The following SLC15A2 variants were observed in gnomAD, a reference collection of about 807,000 sequenced individuals.
SLC15A2 encodes the protein solute carrier family 15 member 2.
In SLC15A2, 77 loss-of-function variants were observed where a neutral mutation model predicts 95.5. The ratio of observed to expected loss-of-function variants is 0.81; its 90% CI spans 0.67 to 0.97. The LOEUF is 0.97. Ranked by LOEUF, SLC15A2 falls within the 50% of genes least tolerant of loss-of-function variation. The pLI is 0.00. For synonymous variants in SLC15A2, 306 were observed against 306.9 expected, an observed-to-expected ratio of 1.00 and a Z score of 0.03; for missense variants, 893 against 874.4, an observed-to-expected ratio of 1.02 and a Z score of -0.27.
chr3:121,905,096 A>G (rs6794360), intron 3 of SLC15A2, among the ~76,000 whole-genome samples: 68,011 of 151,880 alleles, frequency 0.45, 15,742 homozygotes, highest in East Asian at 0.69. Flanking sequence ...ATGTGTCCAG[A>G]AATTTATCCA....
intron 7 of SLC15A2, among the ~76,000 whole-genome samples, chr3:121,921,647 C>T (rs933386477): frequency 6.6e-6 from 1 of 151,740 alleles, no homozygotes; most frequent in African/African-American, 2.4e-5. Flanking sequence ...GAGTTTGGGT[C>T]AGGTAAGTAT....
chr3:121,911,269 G>A (rs891392478), intron 3 of SLC15A2, among the ~76,000 whole-genome samples: 1 of 152,210 alleles, frequency 6.6e-6, no homozygotes, highest in Non-Finnish European at 1.5e-5. Flanking sequence ...ACAAAGTAGG[G>A]TTTCTCTGTG....
At position 121,940,368 on chromosome 3, in the gene SLC15A2, C is replaced by T; in HGVS notation, c.1909-16C>T. The T allele has an allele frequency of 6.2e-7, 1 of 1,608,242 alleles. No individual in the cohort carries two copies. Among genetic ancestry groups the T allele is most frequent in the South Asian group, 1.1e-5 (1 of 90,952 alleles). ...TGAAGGGGGTTTGTTTACTTTCAAA[C>T]TTGTGTCATCCCCAGGCTCCCTCTA... is the stretch of plus-strand genomic sequence containing the variant. On this transcript the variant is annotated splice_polypyrimidine_tract_variant and intron_variant, in intron 20 of 21. Coordinates refer to ENST00000489711, the MANE Select transcript of SLC15A2 (RefSeq NM_021082.4).
intron 19 of SLC15A2, among the ~76,000 whole-genome samples, chr3:121,932,121 C>A (rs1169447937): frequency 1.3e-5 from 2 of 152,194 alleles, no homozygotes; most frequent in African/African-American, 2.4e-5. Flanking sequence ...CCAGGCTGGT[C>A]TCAAACTCCT....
At chr3:121,922,063 C>T (rs1380107357) in intron 7 of SLC15A2, among the ~76,000 whole-genome samples, 157 bp from the exon 8 acceptor site, 2 of 152,208 alleles carry the variant, frequency 1.3e-5, no homozygotes, top group Non-Finnish European at 2.9e-5. Flanking sequence ...CACAGTTCAG[C>T]ATTCTGTCCT....
intron 7 of SLC15A2, 41 bp downstream of exon 7, chr3:121,915,734 C>T: frequency 1.4e-6 from 2 of 1,395,438 alleles, no homozygotes; most frequent in Non-Finnish European, 2.0e-6. Context: ...ATCATTGATA[C>T]CTGACACATG....
chr3:121,938,051 G>A (rs879551646), intron 19 of SLC15A2, among the ~76,000 whole-genome samples: 1 of 147,708 alleles, frequency 6.8e-6, no homozygotes, highest in Non-Finnish European at 1.5e-5. Flanking sequence ...GCCCCTGCTG[G>A]GGGGTGCCTC....
At chr3:121,928,366 A>G in intron 14 of SLC15A2, 55 bp from the exon 15 acceptor site, 1 of 1,589,336 alleles carries the variant, frequency 6.3e-7, no homozygotes, top group Non-Finnish European at 8.6e-7. Context: ...ATGTGTTGCC[A>G]TTGTATCTGA....
chr3:121,934,078 T>C (rs1462115514), intron 19 of SLC15A2, among the ~76,000 whole-genome samples: 8 of 151,944 alleles, frequency 5.3e-5, no homozygotes, highest in Non-Finnish European at 1.0e-4. Context: ...GTTGTAGATA[T>C]GTGGCATTAT....
chr3:121,905,876 G>A (rs1709628240), intron 3 of SLC15A2, among the ~76,000 whole-genome samples: 1 of 152,184 alleles, frequency 6.6e-6, no homozygotes, highest in Non-Finnish European at 1.5e-5. Context: ...ACTTGGTGCA[G>A]AGCTGAGTTC....
At chr3:121,932,024 C>A (rs1710243626) in intron 19 of SLC15A2, among the ~76,000 whole-genome samples, 1 of 152,134 alleles carries the variant, frequency 6.6e-6, no homozygotes, top group South Asian at 2.1e-4. Flanking sequence ...CTCAACCTCC[C>A]CGAGTATCTG....
chr3:121,927,955 G>T, intron 14 of SLC15A2, 116 bp downstream of exon 14: 2 of 729,070 alleles, frequency 2.7e-6, no homozygotes, highest in South Asian at 1.8e-5. Context: ...TTTTATAAGA[G>T]GTGCATCATA....
At chr3:121,907,452 A>G (rs1371756722) in intron 3 of SLC15A2, among the ~76,000 whole-genome samples, 1 of 152,136 alleles carries the variant, frequency 6.6e-6, no homozygotes, top group Non-Finnish European at 1.5e-5. Context: ...TAGAATTTTG[A>G]GCTTTTCTGC....
chr3:121,909,316 GC>G (rs941679522), intron 3 of SLC15A2, among the ~76,000 whole-genome samples: 2 of 152,148 alleles, frequency 1.3e-5, no homozygotes, highest in Admixed American at 1.3e-4. Flanking sequence ...GTCCACCTCA[GC>G]TTCCTGAAGT....
In SLC15A2 at chr3:121,941,119, C is replaced by A; in HGVS notation, c.*112C>A. 1 of 921,642 alleles carries A rather than the reference C, an allele frequency of 1.1e-6. No individual in the cohort carries two copies. Among genetic ancestry groups the A allele is most frequent in the Non-Finnish European group, 1.6e-6 (1 of 626,916 alleles). The allele number at this position is 921,642 out of a possible 1,614,324, so 57.1% of individuals were successfully genotyped here. ...GCAGCATATCAGAGCTGATCTCCTCCACCTTTCTCCAATGACAGAAGTTCC... is the reference window on the plus strand; with the variant it reads ...GCAGCATATCAGAGCTGATCTCCTCAACCTTTCTCCAATGACAGAAGTTCC... On this transcript the variant is annotated 3_prime_UTR_variant, in exon 22 of 22. Coordinates refer to ENST00000489711, the MANE Select transcript of SLC15A2 (RefSeq NM_021082.4).
intron 1 of SLC15A2, 93 bp downstream of exon 1, chr3:121,894,674 T>G (rs539865576): frequency 2.4e-6 from 2 of 832,590 alleles, no homozygotes; most frequent in Admixed American, 2.5e-5. Flanking sequence ...CTGAGCTGTA[T>G]TAGGGTATTA....
chr3:121,923,938 G>A (rs1022700645), intron 11 of SLC15A2, among the ~76,000 whole-genome samples: 1 of 152,046 alleles, frequency 6.6e-6, no homozygotes, highest in Non-Finnish European at 1.5e-5. Context: ...TACCATGGTG[G>A]TCTTCTTGTT....
At chr3:121,917,679 C>T (rs1339375845) in intron 7 of SLC15A2, among the ~76,000 whole-genome samples, 1 of 151,642 alleles carries the variant, frequency 6.6e-6, no homozygotes, top group Admixed American at 6.6e-5. Context: ...CAGAGCAAGC[C>T]CCTGTCTCAA....
chr3:121,941,001 A>T lies in SLC15A2; in HGVS notation c.2184A>T (p.Lys728Asn). The change falls in exon 22 of 22, where the codon AAA (lysine) becomes AAT (asparagine). Residue 728 changes from lysine (K) to asparagine (N), a missense_variant. Physicochemically the swap from Lys to Asn is moderately conservative, Grantham distance 94. Transcript: ENST00000489711. ...NMIKLETKKT[K>N]L ...TCAAACTAGAGACCAAGAAGACAAAACTCTGATGACTCCCTAGATTCTGTC... is the reference window on the plus strand; with the variant it reads ...TCAAACTAGAGACCAAGAAGACAAATCTCTGATGACTCCCTAGATTCTGTC... 6.2e-7 allele frequency: 1 copy of T among 1,611,978 alleles called. No homozygotes were observed. The highest frequency in any genetic ancestry group is 1.1e-5 in the South Asian group (1 of 90,666).
Sources: gnomAD v4.1 joint callset for allele counts (sites outside exome capture counted in the v4.1 genomes callset) on GRCh38, gnomAD v4.1.1 for gene constraint, MANE v1.5 for transcripts, NCBI Gene and HGNC (gene_info 2026-07-23, HGNC 2026-07-21) for gene names.